Variants in RBFOX3 observed in about 807,000 individuals in gnomAD.
RBFOX3 encodes RNA binding fox-1 homolog 3.
A neutral mutation model predicts 48.7 loss-of-function variants in RBFOX3; 17 were observed. The observed-to-expected ratio is 0.35, with a 90% CI of 0.24 to 0.52. The LOEUF (loss-of-function observed/expected upper bound fraction) is 0.52. Ranked by LOEUF, RBFOX3 falls within the 20% of genes least tolerant of loss-of-function variation. The pLI is 0.94. For missense variants in RBFOX3, 382 were observed against 497.5 expected (o/e 0.77, Z 2.21); for synonymous variants, 212 against 209.5 (o/e 1.01, Z -0.10).
rs1017906593 is a variant in RBFOX3 at position 79,280,183 on chromosome 17, C to T, written c.-74+27541G>A. Among the ~76,000 whole-genome samples the T allele has an allele frequency of 4.0e-5, 6 of 151,190 alleles. No homozygotes were observed. The South Asian group carries it at 6.3e-4, about 16-fold the overall frequency. On this transcript the variant is annotated intron_variant, in intron 3 of 14. Coordinates refer to ENST00000693108, the MANE Select transcript of RBFOX3 (RefSeq NM_001350451.2). The stretch of plus-strand genomic sequence containing the variant: ...CACACGCACACACCACTCACACACA[C>T]ATGCACACTTATACACACCACACAC...
chr17:79,569,652 ATT>A (rs2092593505), intron 1 of RBFOX3, among the ~76,000 whole-genome samples: 1 of 152,240 alleles, frequency 6.6e-6, no homozygotes, highest in Non-Finnish European at 1.5e-5. Context: ...GCTAACGTGC[ATT>A]TATTCCATTT....
intron 4 of RBFOX3, among the ~76,000 whole-genome samples, chr17:79,162,800 C>T (rs2047237378): frequency 6.6e-6 from 1 of 152,072 alleles, no homozygotes; most frequent in African/African-American, 2.4e-5. Context: ...GCGGAGAGAG[C>T]AGGGCTGGGA....
At chr17:79,393,222 G>T (rs554352224) in intron 2 of RBFOX3, among the ~76,000 whole-genome samples, 2 of 152,372 alleles carry the variant, frequency 1.3e-5, no homozygotes, top group Admixed American at 1.3e-4. Context: ...TCACAGTTCA[G>T]TTCCACCCGC....
intron 2 of RBFOX3, among the ~76,000 whole-genome samples, chr17:79,317,013 C>T (rs947897741): frequency 6.6e-5 from 10 of 152,172 alleles, no homozygotes; most frequent in Admixed American, 2.6e-4. Context: ...CAGATGTGCA[C>T]GGACACGTGC....
At chr17:79,096,149 T>G (rs995081772) in intron 12 of RBFOX3, among the ~76,000 whole-genome samples, 1 of 152,174 alleles carries the variant, frequency 6.6e-6, no homozygotes, top group African/African-American at 2.4e-5. Context: ...GCTGGGTACA[T>G]GGGGTGTGGC....
At chr17:79,314,571 G>C (rs181650650) in intron 2 of RBFOX3, among the ~76,000 whole-genome samples, 8 of 152,236 alleles carry the variant, frequency 5.3e-5, no homozygotes, top group Admixed American at 5.2e-4. Flanking sequence ...ACCACTGGGA[G>C]TTTCATGAAT....
At chr17:79,426,976 T>C (rs2067506698) in intron 2 of RBFOX3, among the ~76,000 whole-genome samples, 1 of 152,156 alleles carries the variant, frequency 6.6e-6, no homozygotes, top group Non-Finnish European at 1.5e-5. Flanking sequence ...ATTGCTAGGA[T>C]TACAGGTGTG....
chr17:79,170,259 C>T (rs1241153457), intron 4 of RBFOX3, among the ~76,000 whole-genome samples: 1 of 152,044 alleles, frequency 6.6e-6, no homozygotes, highest in African/African-American at 2.4e-5. Context: ...AACAGGTTAA[C>T]GGTGTCCAGC....
chr17:79,389,706 G>A (rs1300558859), intron 2 of RBFOX3, among the ~76,000 whole-genome samples: 4 of 152,202 alleles, frequency 2.6e-5, no homozygotes, highest in South Asian at 2.1e-4. Flanking sequence ...TTTCTTGTAC[G>A]TTCCTGGGGA....
At chr17:79,439,977 G>A (rs1302159045) in intron 2 of RBFOX3, among the ~76,000 whole-genome samples, 1 of 152,224 alleles carries the variant, frequency 6.6e-6, no homozygotes, top group Non-Finnish European at 1.5e-5. Flanking sequence ...GAGGACGCAG[G>A]AATGGCATCA....
intron 1 of RBFOX3, among the ~76,000 whole-genome samples, chr17:79,510,892 T>C (rs1035578427): frequency 6.6e-6 from 1 of 151,956 alleles, no homozygotes; most frequent in East Asian, 1.9e-4. Context: ...GGCCAAAGTG[T>C]ACCCCCAAGC....
At chr17:79,358,990 G>GC (rs1446952047) in intron 2 of RBFOX3, among the ~76,000 whole-genome samples, 2 of 152,220 alleles carry the variant, frequency 1.3e-5, no homozygotes, top group Non-Finnish European at 2.9e-5. Context: ...CAGGGAAGCT[G>GC]CCCCCTGCCC....
At chr17:79,150,767 GAA>G (rs2044242894) in intron 4 of RBFOX3, among the ~76,000 whole-genome samples, 1 of 152,190 alleles carries the variant, frequency 6.6e-6, no homozygotes, top group African/African-American at 2.4e-5. Context: ...GCACTTCCGA[GAA>G]AAGAGGGGGG....
At chr17:79,650,931 C>T in the RBFOX3 span, among the ~76,000 whole-genome samples, 1 of 152,198 alleles carries the variant, frequency 6.6e-6, no homozygotes, top group Admixed American at 6.5e-5. Flanking sequence ...GTGACAGGGT[C>T]CTGGCCTTTA....
At chr17:79,104,817 G>C (rs1271212850) in intron 6 of RBFOX3, among the ~76,000 whole-genome samples, 1 of 152,128 alleles carries the variant, frequency 6.6e-6, no homozygotes, top group Non-Finnish European at 1.5e-5. Context: ...GGGAAAATGG[G>C]GTTGAGGGTG....
chr17:79,420,056 G>A (rs137858299), intron 2 of RBFOX3, among the ~76,000 whole-genome samples: 109 of 151,732 alleles, frequency 7.2e-4, no homozygotes, highest in African/African-American at 2.4e-3. Context: ...GAACCTGGGA[G>A]GCGGATGTTG....
intron 1 of RBFOX3, among the ~76,000 whole-genome samples, chr17:79,553,633 T>C (rs2091351415): frequency 6.6e-6 from 1 of 152,226 alleles, no homozygotes; most frequent in Admixed American, 6.5e-5. Context: ...ACTTTCTATC[T>C]TCCATACAAA....
chr17:79,522,401 A>G (rs1312509169), intron 1 of RBFOX3, among the ~76,000 whole-genome samples: 1 of 152,050 alleles, frequency 6.6e-6, no homozygotes, highest in Admixed American at 6.5e-5. Flanking sequence ...TCCAGACACA[A>G]ACTCTCCTGC....
intron 4 of RBFOX3, among the ~76,000 whole-genome samples, chr17:79,170,685 C>T (rs1333889003): frequency 2.6e-5 from 4 of 152,162 alleles, no homozygotes; most frequent in African/African-American, 7.2e-5. Context: ...CTGTTCCGGC[C>T]GCCCCTGGTC....
Sources: gnomAD v4.1 joint callset for allele counts (sites outside exome capture counted in the v4.1 genomes callset) on GRCh38, gnomAD v4.1.1 for gene constraint, MANE v1.5 for transcripts, NCBI Gene and HGNC (gene_info 2026-07-23, HGNC 2026-07-21) for gene names.